PDE4B: variants seen among roughly 807,000 people sequenced by gnomAD.
PDE4B encodes the protein 3',5'-cyclic-AMP phosphodiesterase 4B.
Under a neutral mutation model 82.2 loss-of-function variants are expected in PDE4B, and 20 were observed. The ratio of observed to expected loss-of-function variants is 0.24; its 90% CI spans 0.17 to 0.35. The LOEUF (loss-of-function observed/expected upper bound fraction) is 0.35, where lower values mean the gene tolerates loss of function less well. Ranked by LOEUF, PDE4B falls within the 10% of genes least tolerant of loss-of-function variation. The pLI is 1.00. For missense variants in PDE4B, 655 were observed against 907.2 expected (o/e 0.72, Z 3.57); for synonymous variants, 320 against 318.9 (o/e 1.00, Z -0.04).
intron 8 of PDE4B, among the ~76,000 whole-genome samples, chr1:66,342,613 C>T (rs543463267): frequency 3.3e-5 from 5 of 150,930 alleles, no homozygotes; most frequent in Admixed American, 6.6e-5. Context: ...ACACTGTAAT[C>T]CCAGCTACTA....
At chr1:65,865,519 T>C (rs1417265410) in intron 1 of PDE4B, among the ~76,000 whole-genome samples, 1 of 152,106 alleles carries the variant, frequency 6.6e-6, no homozygotes, top group Non-Finnish European at 1.5e-5. Flanking sequence ...CCCAGGGCCC[T>C]GGTGGTGTAG....
chr1:66,077,295 C>T (rs973554216), intron 3 of PDE4B, among the ~76,000 whole-genome samples: 1 of 152,130 alleles, frequency 6.6e-6, no homozygotes, highest in African/African-American at 2.4e-5. Flanking sequence ...TCAATAATAG[C>T]TAATGCATTT....
intron 3 of PDE4B, among the ~76,000 whole-genome samples, chr1:66,038,216 G>T (rs1319842784): frequency 1.3e-5 from 2 of 152,060 alleles, no homozygotes; most frequent in African/African-American, 4.8e-5. Flanking sequence ...GTTATTTTGT[G>T]CCAGTCATTA....
chr1:66,090,257 C>T (rs1193831918), intron 3 of PDE4B, among the ~76,000 whole-genome samples: 5 of 151,880 alleles, frequency 3.3e-5, no homozygotes, highest in African/African-American at 1.2e-4. Context: ...GGAAGTATCT[C>T]TTCTTATGAT....
At chr1:65,872,434 C>T (rs146928361) in intron 1 of PDE4B, among the ~76,000 whole-genome samples, 11 of 152,120 alleles carry the variant, frequency 7.2e-5, no homozygotes, top group African/African-American at 2.6e-4. Flanking sequence ...ACACTGGGCT[C>T]ACTCTGAGAA....
chr1:66,072,152 G>A (rs114705045), intron 3 of PDE4B, among the ~76,000 whole-genome samples: 1,761 of 152,132 alleles, frequency 0.012, 38 homozygotes, highest in African/African-American at 0.041. Context: ...ATCATTCACT[G>A]CATGCTTCTC....
intron 7 of PDE4B, among the ~76,000 whole-genome samples, chr1:66,275,786 A>G (rs1234600897): frequency 6.6e-6 from 1 of 152,176 alleles, no homozygotes; most frequent in African/African-American, 2.4e-5. Context: ...GAGGAGGGAA[A>G]CAAAGCAGGG....
intron 1 of PDE4B, among the ~76,000 whole-genome samples, chr1:65,854,296 A>C (rs1646367613): frequency 6.6e-6 from 1 of 151,818 alleles, no homozygotes. Context: ...AAAAATTAGA[A>C]GCAATTTATT....
intron 3 of PDE4B, among the ~76,000 whole-genome samples, chr1:66,226,793 T>C (rs987296711): frequency 2.6e-5 from 4 of 152,254 alleles, no homozygotes; most frequent in Admixed American, 6.5e-5. Flanking sequence ...TGATCTAGTT[T>C]ATAGTTTTTA....
intron 3 of PDE4B, among the ~76,000 whole-genome samples, chr1:66,202,682 T>G (rs943251612): frequency 1.3e-5 from 2 of 152,122 alleles, no homozygotes; most frequent in Non-Finnish European, 2.9e-5. Context: ...CTGCCTTTTT[T>G]TGTTTTCCAT....
intron 7 of PDE4B, among the ~76,000 whole-genome samples, chr1:66,271,127 C>G (rs984053790): frequency 6.6e-6 from 1 of 152,228 alleles, no homozygotes; most frequent in Admixed American, 6.5e-5. Flanking sequence ...TATTGGTACT[C>G]GCAAAAACAT....
rs370184984 is a variant in PDE4B, at chr1:66,040,621, C to T, written c.281+121786C>T. Among the ~76,000 whole-genome samples, 11 of 152,088 alleles carry T rather than the reference C, an allele frequency of 7.2e-5. No individual in the cohort carries two copies. The East Asian group carries it at 1.7e-3, about 24-fold the overall frequency. On this transcript the variant is annotated intron_variant, in intron 3 of 16. Coordinates refer to ENST00000341517, the MANE Select transcript of PDE4B (RefSeq NM_002600.4). ...GATGGGTAAGAGGTTTGATGAAAGA[C>T]TGGGAATAAAAGTAGTTGCATTTCT...
At chr1:65,992,218 A>G (rs992483120) in intron 3 of PDE4B, among the ~76,000 whole-genome samples, 3 of 152,288 alleles carry the variant, frequency 2.0e-5, no homozygotes, top group Admixed American at 6.5e-5. Context: ...TTTTTTGACA[A>G]TCCTGGATTT....
intron 7 of PDE4B, among the ~76,000 whole-genome samples, chr1:66,269,744 T>A (rs1350247839): frequency 6.6e-6 from 1 of 152,178 alleles, no homozygotes; most frequent in Non-Finnish European, 1.5e-5. Flanking sequence ...GTCATGACAG[T>A]AAGAATTTAC....
chr1:66,367,870 A>T lies in PDE4B; in HGVS notation c.1539+20A>T, dbSNP rs920439725. The stretch of plus-strand genomic sequence containing the variant: ...GACATGGTAAGACTTTAGCCTCTCT[A>T]CATTCCTCACTTACTGCCATTCTCT... On this transcript the variant is annotated intron_variant, in intron 14 of 16. Transcript: ENST00000341517. 27 of 1,612,806 alleles carry T rather than the reference A, an allele frequency of 1.7e-5. No individual in the cohort carries two copies. The highest frequency in any genetic ancestry group is 2.3e-5 in the Non-Finnish European group (27 of 1,179,204).
At chr1:66,310,088 G>A (rs1211610860) in intron 7 of PDE4B, among the ~76,000 whole-genome samples, 1 of 152,162 alleles carries the variant, frequency 6.6e-6, no homozygotes, top group East Asian at 1.9e-4. Context: ...ATGTGGGAGG[G>A]CCTCTGATAG....
chr1:65,826,378 A>T (rs1646017672), intron 1 of PDE4B, among the ~76,000 whole-genome samples: 1 of 152,144 alleles, frequency 6.6e-6, no homozygotes, highest in Admixed American at 6.5e-5. Context: ...GCTGAGGCTG[A>T]GTGTGGCCTA....
intron 3 of PDE4B, among the ~76,000 whole-genome samples, chr1:66,116,421 C>T (rs1297247967): frequency 6.6e-6 from 1 of 152,162 alleles, no homozygotes; most frequent in Non-Finnish European, 1.5e-5. Flanking sequence ...CTTCCTCCCC[C>T]CAACTCCCAC....
At chr1:66,146,490 G>A (rs929521132) in intron 3 of PDE4B, among the ~76,000 whole-genome samples, 1 of 151,986 alleles carries the variant, frequency 6.6e-6, no homozygotes, top group African/African-American at 2.4e-5. Flanking sequence ...GGCCTGGGCA[G>A]TGTGATTTTA....
Sources: gnomAD v4.1 joint callset for allele counts (sites outside exome capture counted in the v4.1 genomes callset) on GRCh38, gnomAD v4.1.1 for gene constraint, MANE v1.5 for transcripts, NCBI Gene and HGNC (gene_info 2026-07-23, HGNC 2026-07-21) for gene names.